MLANA: variants seen among roughly 807,000 people sequenced by gnomAD.
MLANA encodes the protein melanoma antigen recognized by T-cells 1.
In MLANA, 21 loss-of-function variants were observed where a neutral mutation model predicts 15.7. The observed-to-expected ratio is 1.33, with a 90% CI of 0.95 to 1.92. The LOEUF (loss-of-function observed/expected upper bound fraction) is 1.92. MLANA is among the 40% of genes most tolerant of loss of function. The pLI, the probability that MLANA is intolerant of heterozygous loss-of-function variation, is 0.00. For synonymous variants in MLANA, 56 were observed against 51.5 expected, an observed-to-expected ratio of 1.09 and a Z score of -0.37; for missense variants, 164 against 143.8, an observed-to-expected ratio of 1.14 and a Z score of -0.72.
intron 3 of MLANA, among the ~76,000 whole-genome samples, chr9:5,900,262 C>A (rs1449667841): frequency 6.6e-6 from 1 of 152,172 alleles, no homozygotes; most frequent in Non-Finnish European, 1.5e-5. Context: ...CAAATTCAAA[C>A]TCTATGCCTC....
At chr9:5,907,551 T>C (rs1162939570) in intron 4 of MLANA, among the ~76,000 whole-genome samples, 1 of 152,246 alleles carries the variant, frequency 6.6e-6, no homozygotes, top group African/African-American at 2.4e-5. Context: ...TAATGATTTT[T>C]ATATTGATTC....
chr9:5,896,140 T>C (rs576201488), intron 2 of MLANA, among the ~76,000 whole-genome samples: 83 of 152,328 alleles, frequency 5.4e-4, no homozygotes, highest in African/African-American at 1.9e-3. Context: ...GCTGTGAATG[T>C]TGGTTCTGCC....
intron 2 of MLANA, among the ~76,000 whole-genome samples, chr9:5,893,950 G>C (rs1831835472): frequency 7.0e-6 from 1 of 142,310 alleles, no homozygotes; most frequent in Non-Finnish European, 1.5e-5. Flanking sequence ...TATCATTCTT[G>C]CTGTGTTGTA....
intron 3 of MLANA, among the ~76,000 whole-genome samples, chr9:5,900,809 T>C (rs977261363): frequency 6.6e-6 from 1 of 152,228 alleles, no homozygotes; most frequent in Non-Finnish European, 1.5e-5. Context: ...AACAGTGGTT[T>C]TTATATTAAC....
At position 5,907,000 on chromosome 9, in the gene MLANA, T is replaced by TA; in HGVS notation, c.288+3dup. ...CAAGAGAAAAACTGTGAACCTGTGGTAGGTTAAGATCCTTCATAAGGGTAT... is the reference window on the plus strand; with the variant it reads ...CAAGAGAAAAACTGTGAACCTGTGGTAAGGTTAAGATCCTTCATAAGGGTAT... On this transcript the variant is annotated splice_region_variant and intron_variant, in intron 4 of 4. Coordinates refer to ENST00000381477, the MANE Select transcript of MLANA (RefSeq NM_005511.2). 1 of 1,569,798 alleles carries TA rather than the reference T, an allele frequency of 6.4e-7. No individual in the cohort carries two copies. The highest frequency in any genetic ancestry group is 1.2e-5 in the South Asian group (1 of 85,208).
chr9:5,900,058 G>A (rs1041310130), intron 3 of MLANA, among the ~76,000 whole-genome samples: 1 of 152,150 alleles, frequency 6.6e-6, no homozygotes, highest in Admixed American at 6.5e-5. Context: ...CTTTCAAGAA[G>A]TAAAGCTATA....
intron 2 of MLANA, among the ~76,000 whole-genome samples, chr9:5,896,671 G>C (rs1297672693): frequency 6.6e-6 from 1 of 152,218 alleles, no homozygotes; most frequent in Non-Finnish European, 1.5e-5. Context: ...GCTGTGATCA[G>C]GCAGATGTTA....
intron 3 of MLANA, among the ~76,000 whole-genome samples, chr9:5,902,242 T>C (rs954408064): frequency 6.6e-6 from 1 of 150,420 alleles, no homozygotes; most frequent in Non-Finnish European, 1.5e-5. Context: ...ACAGATTGTG[T>C]CTTTCAAAGA....
chr9:5,902,680 T>TTA (rs1200231021), intron 3 of MLANA, among the ~76,000 whole-genome samples: 3 of 151,884 alleles, frequency 2.0e-5, no homozygotes, highest in Non-Finnish European at 2.9e-5. Context: ...TTTTTTTTTT[T>TTA]TTAATTTGTA....
chr9:5,903,822 T>A (rs1049613735), intron 3 of MLANA, among the ~76,000 whole-genome samples: 1 of 152,204 alleles, frequency 6.6e-6, no homozygotes, highest in Non-Finnish European at 1.5e-5. Context: ...CTACTTTCTT[T>A]TCATTAGTGT....
At position 5,897,743 on chromosome 9, in the gene MLANA, G is replaced by T. The variant is rs1832129187; in HGVS notation, c.174+90G>T. ...TGAATCTCTGGAGAGTCAGATAATT[G>T]CCTCATTATAACCTTCAGCTCTGAT... On this transcript the variant is annotated intron_variant, in intron 3 of 4. Transcript: ENST00000381477. 2.7e-6 allele frequency: 3 copies of T among 1,131,364 alleles called. No homozygotes were observed. In the Admixed American group the frequency reaches 5.1e-5, roughly 19 times the overall value. 70.1% of individuals were successfully genotyped at this position (1,131,364 alleles called of 1,614,324 possible). A position where few individuals can be genotyped will look rare whatever the true frequency, so the allele number is the denominator to read the frequency against.
chr9:5,900,387 T>C (rs188406299), intron 3 of MLANA, among the ~76,000 whole-genome samples: 10 of 152,294 alleles, frequency 6.6e-5, no homozygotes, highest in African/African-American at 2.4e-4. Context: ...TAAATTAATA[T>C]TAAAATCTTA....
At chr9:5,891,959 G>A (rs1257577772) in intron 1 of MLANA, among the ~76,000 whole-genome samples, 1 of 152,212 alleles carries the variant, frequency 6.6e-6, no homozygotes, top group Admixed American at 6.5e-5. Context: ...GGCAACGGGT[G>A]CTCTGGGAAA....
intron 3 of MLANA, among the ~76,000 whole-genome samples, chr9:5,906,007 G>T (rs1398763221): frequency 6.6e-6 from 1 of 151,930 alleles, no homozygotes; most frequent in Non-Finnish European, 1.5e-5. Context: ...TAAATACATT[G>T]TTGCTATTAT....
intron 2 of MLANA, among the ~76,000 whole-genome samples, chr9:5,895,845 G>A (rs943541648): frequency 2.0e-5 from 3 of 152,330 alleles, no homozygotes; most frequent in South Asian, 2.1e-4. Context: ...GGTGCTTTTC[G>A]CTCTCAGTTA....
At chr9:5,900,543 T>C (rs568968628) in intron 3 of MLANA, among the ~76,000 whole-genome samples, 1 of 152,326 alleles carries the variant, frequency 6.6e-6, no homozygotes, top group Admixed American at 6.5e-5. Flanking sequence ...TCTATTTTCA[T>C]TTTAAAGCAA....
Position 5,906,983 on chromosome 9 carries a change from A to C in MLANA, c.273A>C (p.Lys91Asn). Reference sequence around the variant, plus strand: ...ACAGCAAAGTGTCTCTTCAAGAGAAAAACTGTGAACCTGTGGTAGGTTAAG... The same window carrying C: ...ACAGCAAAGTGTCTCTTCAAGAGAACAACTGTGAACCTGTGGTAGGTTAAG... ...HRDSKVSLQE[K>N]NCEPVVPNAP... The change falls in exon 4 of 5, where the codon AAA becomes AAC. Residue 91 changes from lysine to asparagine, a missense_variant. Transcript: ENST00000381477. The C allele has an allele frequency of 6.3e-7, 1 of 1,596,886 alleles. No homozygotes were observed. Among genetic ancestry groups the C allele is most frequent in the Non-Finnish European group, 8.5e-7 (1 of 1,174,368 alleles).
At position 5,899,544 on chromosome 9, in the gene MLANA, A is replaced by G. The variant is rs189945214; in HGVS notation, c.174+1891A>G. The stretch of plus-strand genomic sequence containing the variant: ...GTTGATGAATCTGAACAAGACTCCA[A>G]TATTGGAGGAAATACTTGAGGAAAG... On this transcript the variant is annotated intron_variant, in intron 3 of 4. Transcript: ENST00000381477. 2.0e-4 allele frequency among the ~76,000 whole-genome samples: 30 copies of G among 152,314 alleles called. No individual in the cohort carries two copies. In the East Asian group the frequency reaches 5.4e-3, roughly 27 times the overall value.
chr9:5,899,707 G>C (rs1200432482), intron 3 of MLANA, among the ~76,000 whole-genome samples: 1 of 152,174 alleles, frequency 6.6e-6, no homozygotes, highest in Non-Finnish European at 1.5e-5. Flanking sequence ...CTTGTAATTG[G>C]CTATTTACTT....
Sources: gnomAD v4.1 joint callset for allele counts (sites outside exome capture counted in the v4.1 genomes callset) on GRCh38, gnomAD v4.1.1 for gene constraint, MANE v1.5 for transcripts, NCBI Gene and HGNC (gene_info 2026-07-23, HGNC 2026-07-21) for gene names.